SUMF1: variants seen among roughly 807,000 people sequenced by gnomAD.
SUMF1 encodes sulfatase modifying factor 1, also known as formylglycine-generating enzyme.
A neutral mutation model predicts 47.6 loss-of-function variants in SUMF1; 48 were observed. The ratio of observed to expected loss-of-function variants is 1.01; its 90% CI spans 0.80 to 1.28. The LOEUF (loss-of-function observed/expected upper bound fraction) is 1.28. SUMF1 is among the 50% of genes most tolerant of loss of function. The pLI is 0.00. For missense variants in SUMF1, 571 were observed against 485.4 expected, an observed-to-expected ratio of 1.18 and a Z score of -1.66; for synonymous variants, 230 against 192.1, an observed-to-expected ratio of 1.20 and a Z score of -1.63.
intron 8 of SUMF1, among the ~76,000 whole-genome samples, chr3:4,275,396 G>T (rs568301386): frequency 7.2e-5 from 11 of 152,060 alleles, no homozygotes; most frequent in Non-Finnish European, 1.2e-4. Flanking sequence ...GCAGTAAAAT[G>T]GACTACTTCC....
chr3:4,328,427 C>T lies in SUMF1; in HGVS notation c.1014+47903G>A, dbSNP rs140934395. Among the ~76,000 whole-genome samples, 848 of 152,178 alleles carry T rather than the reference C, an allele frequency of 5.6e-3. 6 individuals are homozygous for T. The highest frequency in any genetic ancestry group is 0.02 in the African/African-American group (817 of 41,498). The stretch of plus-strand genomic sequence containing the variant: ...TAAAGAAAAAGAGGTTTAATGGACT[C>T]ACAGTTCCACATGGCTGGGGAGGCC... On this transcript the variant is annotated intron_variant and NMD_transcript_variant, in intron 8 of 12. Transcript: ENST00000448413.
chr3:4,217,512 TTTTATATATATATA>T (rs1280039878), intron 8 of SUMF1, among the ~76,000 whole-genome samples: 2 of 47,514 alleles, frequency 4.2e-5, no homozygotes, highest in Middle Eastern at 0.01. Flanking sequence ...TTAAAGTATT[TTTTATATATATATA>T]TATATATATA....
intron 8 of SUMF1, among the ~76,000 whole-genome samples, chr3:4,176,372 G>GCCAT (rs1694960769): frequency 6.6e-6 from 1 of 152,112 alleles, no homozygotes; most frequent in Non-Finnish European, 1.5e-5. Flanking sequence ...GAAGAGAGTG[G>GCCAT]GGGCCAATAT....
intron 8 of SUMF1, among the ~76,000 whole-genome samples, chr3:4,332,065 A>G (rs542284488): frequency 3.3e-5 from 5 of 152,332 alleles, no homozygotes; most frequent in Non-Finnish European, 7.3e-5. Context: ...ACTACAAGGC[A>G]TTTGAATTAA....
At chr3:4,360,861 G>A (rs1295978421), downstream of SUMF1, among the ~76,000 whole-genome samples, 2 of 152,120 alleles carry the variant, frequency 1.3e-5, no homozygotes, top group Non-Finnish European at 1.5e-5. Context: ...GTGCTTTCCC[G>A]GCATGGGAAG....
Position 4,301,859 on chromosome 3 carries a change from C to T in SUMF1, c.1014+74471G>A, listed in dbSNP as rs1272678621. ...CTGGATTTGAGGAGAAACGTCTGAT[C>T]TGGGTTGGAGACTGGTGACCTAATC... On this transcript the variant is annotated intron_variant and NMD_transcript_variant, in intron 8 of 12. Transcript: ENST00000448413. 2.0e-5 allele frequency among the ~76,000 whole-genome samples: 3 copies of T among 152,190 alleles called. No individual in the cohort carries two copies. In the East Asian group the frequency reaches 5.8e-4, roughly 29 times the overall value.
At chr3:4,317,543 T>G (rs57581495) in intron 8 of SUMF1, 2,072 of 200,240 alleles carry the variant, frequency 0.01, 50 homozygotes, top group African/African-American at 0.045. Flanking sequence ...TAAAAAAAGA[T>G]TAAAACATGT....
At position 4,096,114 on chromosome 3, in the gene SUMF1, T is replaced by G. The variant is rs183093739; in HGVS notation, c.1015-27369A>C. 2.6e-3 allele frequency among the ~76,000 whole-genome samples: 399 copies of G among 152,276 alleles called. 2 individuals carry two copies. Among genetic ancestry groups the G allele is most frequent in the Non-Finnish European group, 3.6e-3 (242 of 68,022 alleles). Reference sequence around the variant, plus strand: ...TCCTAAATTTGTAAAGACTGTATGGTCTTTAAGCTATTTCATTTACATGGC... The same window carrying G: ...TCCTAAATTTGTAAAGACTGTATGGGCTTTAAGCTATTTCATTTACATGGC... On this transcript the variant is annotated intron_variant and NMD_transcript_variant, in intron 8 of 12. Coordinates refer to the SUMF1 transcript ENST00000448413.
chr3:4,321,489 A>G (rs1220538591), intron 8 of SUMF1, among the ~76,000 whole-genome samples: 2 of 148,668 alleles, frequency 1.3e-5, no homozygotes, highest in African/African-American at 2.5e-5. Flanking sequence ...AAAAAAAAAA[A>G]AAAAGAAAAA....
Position 4,411,003 on chromosome 3 carries a change from C to G in SUMF1, c.841-25G>C, listed in dbSNP as rs182146515. On this transcript the variant is annotated intron_variant, in intron 6 of 8. Transcript: ENST00000272902. ...CCTAAAAACAAAGACAGGAAAAATG[C>G]TGTCAAACTATTCACCTGGTTTAAA... The G allele has an allele frequency of 1.9e-6, 3 of 1,578,988 alleles. No homozygotes were observed. The African/African-American group carries it at 4.0e-5, about 21-fold the overall frequency.
chr3:4,188,401 C>A (rs1311890827), intron 8 of SUMF1, among the ~76,000 whole-genome samples: 1 of 152,162 alleles, frequency 6.6e-6, no homozygotes, highest in East Asian at 1.9e-4. Flanking sequence ...AACATTATAG[C>A]ATCATACAGA....
intron 7 of SUMF1, among the ~76,000 whole-genome samples, chr3:4,408,731 G>A (rs978791562): frequency 2.6e-4 from 40 of 152,194 alleles, no homozygotes; most frequent in African/African-American, 1.2e-4. Flanking sequence ...AGAACTTTGG[G>A]GGGACAAGGC....
intron 8 of SUMF1, among the ~76,000 whole-genome samples, chr3:4,371,200 G>T (rs1700156796): frequency 6.6e-6 from 1 of 152,134 alleles, no homozygotes; most frequent in Non-Finnish European, 1.5e-5. Context: ...CAGCAAAAGT[G>T]GTTCTTAAGG....
At chr3:4,368,371 A>T (rs553250600) in intron 8 of SUMF1, among the ~76,000 whole-genome samples, 1 of 152,214 alleles carries the variant, frequency 6.6e-6, no homozygotes, top group Non-Finnish European at 1.5e-5. Flanking sequence ...AAATAGAGAC[A>T]CTTTTGCACT....
intron 8 of SUMF1, chr3:4,313,992 A>C (rs981183652): frequency 1.4e-6 from 1 of 739,046 alleles, no homozygotes; most frequent in Non-Finnish European, 2.1e-6. Context: ...TGACTGTTCT[A>C]GTTAATAGGA....
chr3:4,139,284 T>C (rs1694017018), intron 8 of SUMF1, among the ~76,000 whole-genome samples: 2 of 151,922 alleles, frequency 1.3e-5, no homozygotes, highest in Non-Finnish European at 2.9e-5. Context: ...TTCGTATCAG[T>C]CATTATTATA....
chr3:4,094,085 G>T (rs1692847474), intron 8 of SUMF1, among the ~76,000 whole-genome samples: 1 of 152,022 alleles, frequency 6.6e-6, no homozygotes, highest in African/African-American at 2.4e-5. Context: ...AAATAAGAAA[G>T]ACAATCAAAG....
chr3:4,156,728 A>G lies in SUMF1; in HGVS notation c.1015-87983T>C, dbSNP rs1321791059. ...CTGGAGTAAGGAAATTTAATAGACT[A>G]TAGAAAAGCATTTATTTCATTTAAT... On this transcript the variant is annotated intron_variant and NMD_transcript_variant, in intron 8 of 12. Coordinates refer to the SUMF1 transcript ENST00000448413. Among the ~76,000 whole-genome samples the G allele has an allele frequency of 5.3e-5, 8 of 151,742 alleles. 1 individual carries two copies. The highest frequency in any genetic ancestry group is 2.0e-4 in the African/African-American group (8 of 41,010).
intron 8 of SUMF1, among the ~76,000 whole-genome samples, chr3:4,227,073 C>T (rs1215981202): frequency 2.6e-5 from 4 of 152,098 alleles, no homozygotes; most frequent in African/African-American, 7.2e-5. Flanking sequence ...ACTCAAACAA[C>T]CCCTGCCCCA....
Sources: gnomAD v4.1 joint callset for allele counts (sites outside exome capture counted in the v4.1 genomes callset) on GRCh38, gnomAD v4.1.1 for gene constraint, MANE v1.5 for transcripts, NCBI Gene and HGNC (gene_info 2026-07-23, HGNC 2026-07-21) for gene names.